The following HDAC9 variants were observed in gnomAD, a reference collection of about 807,000 sequenced individuals.
HDAC9 encodes MEF-2 interacting transcription repressor (MITR) protein.
Under a neutral mutation model 139.4 loss-of-function variants are expected in HDAC9, and 41 were observed. The observed-to-expected ratio is 0.29, with a 90% CI of 0.23 to 0.38. The LOEUF (loss-of-function observed/expected upper bound fraction) is 0.38, where lower values mean the gene tolerates loss of function less well. Ranked by LOEUF, HDAC9 falls within the 10% of genes least tolerant of loss-of-function variation. The probability of loss-of-function intolerance (pLI) is 1.00; values close to 1 mark genes in which losing one functional copy is unlikely to be tolerated. For synonymous variants in HDAC9, 517 were observed against 476.2 expected, an observed-to-expected ratio of 1.09 and a Z score of -1.12; for missense variants, 1,147 against 1,297.0, an observed-to-expected ratio of 0.88 and a Z score of 1.78.
intron 17 of HDAC9, among the ~76,000 whole-genome samples, chr7:18,821,678 CA>C (rs1306279486): frequency 6.6e-6 from 1 of 152,224 alleles, no homozygotes; most frequent in Non-Finnish European, 1.5e-5. Context: ...GGATGTCCTA[CA>C]GTTTAACTCA....
chr7:18,405,458 A>G (rs989310355), intron 1 of HDAC9, among the ~76,000 whole-genome samples: 4 of 152,150 alleles, frequency 2.6e-5, no homozygotes, highest in African/African-American at 7.2e-5. Context: ...AAGTGAAAAT[A>G]CAGCACAGCC....
At chr7:18,524,441 T>C (rs1806134020) in intron 2 of HDAC9, among the ~76,000 whole-genome samples, 1 of 152,154 alleles carries the variant, frequency 6.6e-6, no homozygotes, top group Non-Finnish European at 1.5e-5. Context: ...TCAGCTGTAG[T>C]TGAGAGGGGT....
At chr7:18,195,960 A>G (rs1347865042) in intron 2 of HDAC9, among the ~76,000 whole-genome samples, 2 of 152,002 alleles carry the variant, frequency 1.3e-5, no homozygotes, top group African/African-American at 2.4e-5. Flanking sequence ...CCTCTACCCC[A>G]TCATTGTACC....
chr7:18,271,280 A>G (rs1242449873), intron 2 of HDAC9, among the ~76,000 whole-genome samples: 1 of 152,226 alleles, frequency 6.6e-6, no homozygotes, highest in African/African-American at 2.4e-5. Context: ...GTATGTATAT[A>G]TACTCTATGT....
chr7:18,995,361 C>T (rs184690493), intron 25 of HDAC9, among the ~76,000 whole-genome samples: 1 of 152,268 alleles, frequency 6.6e-6, no homozygotes. Flanking sequence ...CCTTAAAGCA[C>T]CCTGAAAGGG....
At chr7:18,204,036 A>G (rs550571307) in intron 2 of HDAC9, among the ~76,000 whole-genome samples, 1 of 152,330 alleles carries the variant, frequency 6.6e-6, no homozygotes, top group African/African-American at 2.4e-5. Flanking sequence ...AGCTGATTGT[A>G]ACCATCTTGC....
intron 1 of HDAC9, among the ~76,000 whole-genome samples, chr7:18,115,327 T>G (rs1488212317): frequency 2.0e-5 from 3 of 152,104 alleles, no homozygotes; most frequent in Non-Finnish European, 4.4e-5. Flanking sequence ...TGGATCAATC[T>G]TGCAGTATTC....
At chr7:18,772,969 A>T (rs1790445291) in intron 16 of HDAC9, among the ~76,000 whole-genome samples, 1 of 152,146 alleles carries the variant, frequency 6.6e-6, no homozygotes, top group Non-Finnish European at 1.5e-5. Context: ...GTTGGGATGT[A>T]GACAACACTC....
rs1342213098 is a variant in HDAC9 at position 18,436,669 on chromosome 7, A to G, written c.-41-59593A>G. 2.6e-5 allele frequency among the ~76,000 whole-genome samples: 4 copies of G among 152,240 alleles called. No individual in the cohort carries two copies. The East Asian group carries it at 7.7e-4, about 29-fold the overall frequency. On this transcript the variant is annotated intron_variant, in intron 1 of 3. Coordinates refer to the HDAC9 transcript ENST00000413509. Reference sequence around the variant, plus strand: ...ACCTTGTAAATTGTAAATTCAATAGATGGTGTTTTCATAAAAATTTGCATG... The same window carrying G: ...ACCTTGTAAATTGTAAATTCAATAGGTGGTGTTTTCATAAAAATTTGCATG...
At chr7:18,896,463 A>C (rs1801207974) in intron 22 of HDAC9, among the ~76,000 whole-genome samples, 1 of 152,096 alleles carries the variant, frequency 6.6e-6, no homozygotes, top group African/African-American at 2.4e-5. Flanking sequence ...CTGGCACCAC[A>C]TAACTAACCA....
rs564714697 is a variant in HDAC9, at chr7:18,931,120, A to T, written c.2804-4689A>T. Among the ~76,000 whole-genome samples, 24 of 152,308 alleles carry T rather than the reference A, an allele frequency of 1.6e-4. No homozygotes were observed. In the South Asian group the frequency reaches 5.0e-3, roughly 32 times the overall value. On this transcript the variant is annotated intron_variant, in intron 22 of 25. Transcript: ENST00000686413. ...GAAAAAGCGGTCTAGAATATTTAAT[A>T]ATATGATTAACAGAAATGTGTCCTT...
chr7:18,620,510 GT>G (rs1304429576), intron 6 of HDAC9, among the ~76,000 whole-genome samples: 1 of 150,414 alleles, frequency 6.6e-6, no homozygotes, highest in Non-Finnish European at 1.5e-5. Flanking sequence ...CTACTGAGTG[GT>G]ACTTTTTTTT....
chr7:18,702,974 G>A (rs1438877301), intron 12 of HDAC9, among the ~76,000 whole-genome samples: 3 of 152,036 alleles, frequency 2.0e-5, no homozygotes, highest in African/African-American at 7.3e-5. Flanking sequence ...TGTGTATTTT[G>A]AAATCCACAC....
At chr7:18,697,664 T>C (rs1266365928) in intron 12 of HDAC9, among the ~76,000 whole-genome samples, 1 of 152,216 alleles carries the variant, frequency 6.6e-6, no homozygotes. Context: ...AAATGGCTCT[T>C]ATCCCTTGAG....
At chr7:18,951,986 A>G in intron 23 of HDAC9, among the ~76,000 whole-genome samples, 1 of 151,930 alleles carries the variant, frequency 6.6e-6, no homozygotes, top group South Asian at 2.1e-4. Flanking sequence ...TCCATTGCAT[A>G]CCTGCCAGAG....
intron 1 of HDAC9, among the ~76,000 whole-genome samples, chr7:18,384,284 AG>A (rs1785710515): frequency 6.6e-6 from 1 of 152,026 alleles, no homozygotes; most frequent in African/African-American, 2.4e-5. Flanking sequence ...CTTCAACCTG[AG>A]GGACAGAGGG....
intron 22 of HDAC9, among the ~76,000 whole-genome samples, chr7:18,879,366 C>T (rs867732393): frequency 4.6e-5 from 7 of 152,154 alleles, no homozygotes; most frequent in South Asian, 4.2e-4. Context: ...CAATCCTAAG[C>T]GAAAAGAGCA....
chr7:18,589,785 T>A (rs1830430455), intron 3 of HDAC9, among the ~76,000 whole-genome samples: 1 of 152,234 alleles, frequency 6.6e-6, no homozygotes, highest in African/African-American at 2.4e-5. Flanking sequence ...ATATTATGAA[T>A]ATATACATTG....
chr7:18,395,154 T>C (rs1217745297), intron 1 of HDAC9: 1 of 152,126 alleles, frequency 6.6e-6, no homozygotes, highest in Non-Finnish European at 1.5e-5. Context: ...GAGACAGTTA[T>C]GAGAAACTGG....
Sources: gnomAD v4.1 joint callset for allele counts (sites outside exome capture counted in the v4.1 genomes callset) on GRCh38, gnomAD v4.1.1 for gene constraint, MANE v1.5 for transcripts, NCBI Gene and HGNC (gene_info 2026-07-23, HGNC 2026-07-21) for gene names.